The following ILKAP variants were observed in gnomAD, a reference collection of about 807,000 sequenced individuals.
The protein encoded by ILKAP is integrin-linked kinase-associated serine/threonine phosphatase 2C.
Under a neutral mutation model 49.1 loss-of-function variants are expected in ILKAP, and 11 were observed. That is an observed-to-expected ratio of 0.22 (90% confidence interval 0.14 to 0.37). ILKAP has a LOEUF of 0.37. Ranked by LOEUF, ILKAP falls within the 10% of genes least tolerant of loss-of-function variation. The probability of loss-of-function intolerance (pLI) is 1.00; values close to 1 mark genes in which losing one functional copy is unlikely to be tolerated. For synonymous variants in ILKAP, 186 were observed against 192.8 expected (o/e 0.96, Z 0.29); for missense variants, 363 against 510.8 (o/e 0.71, Z 2.79).
intron 3 of ILKAP, among the ~76,000 whole-genome samples, chr2:238,193,356 G>C (rs1235611725): frequency 6.6e-6 from 1 of 152,140 alleles, no homozygotes; most frequent in Non-Finnish European, 1.5e-5. Flanking sequence ...GAGTAGCTGG[G>C]ACGACAGGCA....
chr2:238,196,086 C>CTTTTT (rs34504570), intron 1 of ILKAP, among the ~76,000 whole-genome samples: 13 of 77,470 alleles, frequency 1.7e-4, no homozygotes, highest in South Asian at 6.5e-4. Context: ...AACCAATTCA[C>CTTTTT]TTTTTTTTTT....
intron 4 of ILKAP, among the ~76,000 whole-genome samples, chr2:238,188,921 T>C (rs116248537): frequency 6.6e-6 from 1 of 152,222 alleles, no homozygotes; most frequent in Non-Finnish European, 1.5e-5. Flanking sequence ...GAAGATGACA[T>C]CTTCCCAGCA....
At chr2:238,196,002 C>A (rs946938818) in intron 1 of ILKAP, among the ~76,000 whole-genome samples, 1 of 131,560 alleles carries the variant, frequency 7.6e-6, no homozygotes, top group Admixed American at 8.0e-5. Flanking sequence ...CATGATTGGG[C>A]CACTGCACTC....
At chr2:238,171,097 A>G (rs1226474413) in intron 10 of ILKAP, 73 bp from the exon 11 acceptor site, 1 of 953,510 alleles carries the variant, frequency 1.0e-6, no homozygotes, top group Admixed American at 2.3e-5. Flanking sequence ...AAGGGCCTGG[A>G]GATGGAGATA....
chr2:238,191,494 A>G (rs1381497150), intron 3 of ILKAP, among the ~76,000 whole-genome samples: 2 of 152,272 alleles, frequency 1.3e-5, no homozygotes, highest in East Asian at 3.8e-4. Flanking sequence ...TGCACCCTGC[A>G]TAAGGCAACA....
intron 9 of ILKAP, among the ~76,000 whole-genome samples, chr2:238,179,177 G>A (rs559545351): frequency 6.6e-6 from 1 of 152,252 alleles, no homozygotes; most frequent in African/African-American, 2.4e-5. Context: ...GTTTCCACTG[G>A]CCATATCTGA....
intron 9 of ILKAP, among the ~76,000 whole-genome samples, chr2:238,176,652 C>A (rs1693472090): frequency 9.3e-6 from 1 of 107,680 alleles, no homozygotes; most frequent in African/African-American, 3.6e-5. Flanking sequence ...TTGATATTTT[C>A]TGTTCTTTCT....
chr2:238,194,221 G>T (rs1277534064), intron 3 of ILKAP, 54 bp downstream of exon 3: 3 of 1,473,264 alleles, frequency 2.0e-6, no homozygotes, highest in Admixed American at 3.4e-5. Context: ...TCACATAAGA[G>T]TAAAATACTA....
chr2:238,173,735 A>C, intron 9 of ILKAP, 82 bp from the exon 10 acceptor site: 4 of 1,448,314 alleles, frequency 2.8e-6, no homozygotes, highest in Non-Finnish European at 3.8e-6. Context: ...TTAAAAGCAG[A>C]GAATGGAAGT....
In ILKAP at chr2:238,188,867, G is replaced by T. The variant is rs924149653; in HGVS notation, c.299-610C>A. 3.4e-4 allele frequency among the ~76,000 whole-genome samples: 51 copies of T among 152,152 alleles called. 1 individual carries two copies. Among genetic ancestry groups the T allele is most frequent in the African/African-American group, 1.2e-3 (49 of 41,426 alleles). On this transcript the variant is annotated intron_variant, in intron 4 of 11. Transcript: ENST00000254654. The stretch of plus-strand genomic sequence containing the variant: ...CCTAATGCCAGACAAATAATAAAAT[G>T]AACACTGTGAAGAGCTGTCTTCTGG...
chr2:238,182,255 A>G, intron 8 of ILKAP, 69 bp from the exon 9 acceptor site: 1 of 1,567,376 alleles, frequency 6.4e-7, no homozygotes. Context: ...CCAGTTGAAA[A>G]AAACAGTTAA....
Position 238,203,506 on chromosome 2 carries a change from C to A in ILKAP, c.48G>T (p.Pro16=), listed in dbSNP as rs1198277484. The change falls in exon 1 of 12, where the codon CCG becomes CCT. Residue 16 remains proline (P), a synonymous_variant. Transcript: ENST00000254654. The part of the protein sequence containing the change: ...DLPEPERSPR[P]AAGKEAQKGP... ...GGCGGCAACGCCGCTTACCGGCAGCCGGGCGCGGCGAGCGCTCGGGCTCCG... is the reference window on the plus strand; with the variant it reads ...GGCGGCAACGCCGCTTACCGGCAGCAGGGCGCGGCGAGCGCTCGGGCTCCG... 2.4e-6 allele frequency: 3 copies of A among 1,252,984 alleles called. No homozygotes were observed. The highest frequency in any genetic ancestry group is 3.0e-6 in the Non-Finnish European group (3 of 987,710). 77.6% of individuals were successfully genotyped at this position (1,252,984 alleles called of 1,614,324 possible).
chr2:238,182,608 G>A (rs1437745700), intron 8 of ILKAP, among the ~76,000 whole-genome samples: 1 of 152,242 alleles, frequency 6.6e-6, no homozygotes, highest in Non-Finnish European at 1.5e-5. Context: ...TGCCAGGTAG[G>A]CCGTCCACAC....
chr2:238,180,281 G>A (rs926023318), intron 9 of ILKAP, among the ~76,000 whole-genome samples: 3 of 152,118 alleles, frequency 2.0e-5, no homozygotes, highest in South Asian at 2.1e-4. Flanking sequence ...GGGATAACTC[G>A]GGAAATAAAA....
chr2:238,180,048 G>A (rs1449288499), intron 9 of ILKAP, among the ~76,000 whole-genome samples: 2 of 152,098 alleles, frequency 1.3e-5, no homozygotes, highest in Admixed American at 1.3e-4. Context: ...GCACATGCCT[G>A]TGGTCCCAGC....
chr2:238,170,567 ACG>A lies in ILKAP; in HGVS notation c.1146_1147del (p.Val383HisfsTer24). ...CCCTATCCGCACCACCATCACAGTG[ACG>A]TTGTCGGCCGAGCCCCGCTGCACCG... is the stretch of plus-strand genomic sequence containing the variant. On this transcript the variant is annotated frameshift_variant, in exon 12 of 12. Transcript: ENST00000254654. LOFTEE classifies it high-confidence loss of function. 6.2e-7 allele frequency: 1 copy of A among 1,606,944 alleles called. No individual in the cohort carries two copies. Among genetic ancestry groups the A allele is most frequent in the Non-Finnish European group, 8.5e-7 (1 of 1,174,568 alleles).
In ILKAP at chr2:238,185,240, C is replaced by T. The variant is rs917900622; in HGVS notation, c.473G>A (p.Arg158Gln). 23 of 1,613,632 alleles carry T rather than the reference C, an allele frequency of 1.4e-5. No individual in the cohort carries two copies. Among genetic ancestry groups the T allele is most frequent in the Admixed American group, 6.7e-5 (4 of 59,986 alleles). Reference sequence around the variant, plus strand: ...ATTCTGTGCAGCAAATTTTGAGGCTCGAATTCCTCCATGTCCATCAAAAAC... The same window carrying T: ...ATTCTGTGCAGCAAATTTTGAGGCTTGAATTCCTCCATGTCCATCAAAAAC... ...FAVFDGHGGI[R>Q]ASKFAAQNLH... is the part of the protein sequence containing the mutation. Residue 158 changes from arginine (R) to glutamine (Q), a missense_variant, in exon 6 of 12, where the codon CGA becomes CAA. Physicochemically the swap from Arg to Gln is conservative, Grantham distance 43. Coordinates refer to ENST00000254654, the MANE Select transcript of ILKAP (RefSeq NM_030768.3).
intron 4 of ILKAP, 94 bp from the exon 5 acceptor site, chr2:238,188,351 C>CT: frequency 6.9e-7 from 1 of 1,445,972 alleles, no homozygotes; most frequent in South Asian, 1.3e-5. Flanking sequence ...CTATGACTGT[C>CT]TGACTCAGCA....
chr2:238,178,327 G>A (rs1412107744), intron 9 of ILKAP, among the ~76,000 whole-genome samples: 4 of 152,104 alleles, frequency 2.6e-5, no homozygotes, highest in Admixed American at 6.5e-5. Flanking sequence ...GACCACAGGC[G>A]CACACCACCA....
Sources: allele counts gnomAD v4.1 joint callset (sites outside exome capture counted in the v4.1 genomes callset), GRCh38; gene constraint gnomAD v4.1.1; transcripts MANE v1.5; gene names NCBI Gene and HGNC (gene_info 2026-07-23, HGNC 2026-07-21).